The following CNOT1 variants were observed in gnomAD, a reference collection of about 807,000 sequenced individuals.
CNOT1 encodes CCR4-associated factor 1.
Under a neutral mutation model 273.8 loss-of-function variants are expected in CNOT1, and 15 were observed. That is an observed-to-expected ratio of 0.05 (90% confidence interval 0.04 to 0.08). CNOT1 has a LOEUF of 0.08. Among genes scored for constraint, CNOT1 ranks in the 10% least tolerant of loss-of-function variants. CNOT1 has a pLI of 1.00. For synonymous variants in CNOT1, 1,022 were observed against 1,005.5 expected (o/e 1.02, Z -0.31); for missense variants, 1,644 against 2,912.2 (o/e 0.56, Z 10.02).
intron 1 of CNOT1, among the ~76,000 whole-genome samples, chr16:58,606,606 C>T (rs550095916): frequency 3.3e-5 from 5 of 152,226 alleles, no homozygotes; most frequent in South Asian, 4.2e-4. Flanking sequence ...AGTTCAAGGT[C>T]AGCCTGGCCA....
At position 58,580,999 on chromosome 16, in the gene CNOT1, G is replaced by C. The variant is rs144295565; in HGVS notation, c.1216-239C>G. Reference sequence around the variant, plus strand: ...TTAAAAGACATTTCTGAGCCAATTAGGGAAACTTAACGTTGCCTTGGAAAT... The same window carrying C: ...TTAAAAGACATTTCTGAGCCAATTACGGAAACTTAACGTTGCCTTGGAAAT... On this transcript the variant is annotated intron_variant, in intron 11 of 48. Transcript: ENST00000317147. 5.2e-3 allele frequency among the ~76,000 whole-genome samples: 148 copies of C among 28,284 alleles called. 1 individual carries two copies. Among genetic ancestry groups the C allele is most frequent in the African/African-American group, 0.029 (137 of 4,714 alleles). The allele number at this position is 28,284 out of a possible 152,430, so 18.6% of individuals were successfully genotyped here.
chr16:58,536,879 G>A (rs2039945838), intron 39 of CNOT1, 110 bp downstream of exon 39: 4 of 1,470,996 alleles, frequency 2.7e-6, no homozygotes, highest in Non-Finnish European at 1.8e-6. Context: ...GTTTGCATGA[G>A]TATGGAGGTA....
At chr16:58,529,727 G>A (rs2039711606) in intron 43 of CNOT1, among the ~76,000 whole-genome samples, 1 of 151,054 alleles carries the variant, frequency 6.6e-6, no homozygotes, top group South Asian at 2.1e-4. Context: ...TGTAGTCTCT[G>A]CTACTAGGGA....
intron 1 of CNOT1, among the ~76,000 whole-genome samples, chr16:58,608,511 A>G (rs1186109138): frequency 2.0e-5 from 3 of 149,812 alleles, no homozygotes; most frequent in African/African-American, 7.4e-5. Context: ...CTGAGATCGC[A>G]TCACTGCACT....
At chr16:58,523,297 A>G in intron 47 of CNOT1, 73 bp downstream of exon 47, 1 of 1,453,892 alleles carries the variant, frequency 6.9e-7, no homozygotes, top group East Asian at 2.4e-5. Context: ...CACTGAAAGC[A>G]TAAAGAGGAA....
At chr16:58,592,969 G>C (rs556671256) in intron 2 of CNOT1, among the ~76,000 whole-genome samples, 1 of 152,054 alleles carries the variant, frequency 6.6e-6, no homozygotes, top group Admixed American at 6.6e-5. Flanking sequence ...AAACAGAAAG[G>C]GGAGACTACC....
chr16:58,540,223 A>G (rs1356853363), intron 34 of CNOT1, among the ~76,000 whole-genome samples: 1 of 152,194 alleles, frequency 6.6e-6, no homozygotes, highest in East Asian at 1.9e-4. Context: ...ATCAAGTGAT[A>G]AAAGAGAGCA....
At chr16:58,605,225 G>T (rs1172814400) in intron 1 of CNOT1, among the ~76,000 whole-genome samples, 1 of 152,094 alleles carries the variant, frequency 6.6e-6, no homozygotes, top group South Asian at 2.1e-4. Flanking sequence ...ACATATTGCT[G>T]GGCGTGGTGG....
At chr16:58,557,101 ACTCT>A in intron 18 of CNOT1, 108 bp from the exon 19 acceptor site, 1 of 1,368,754 alleles carries the variant, frequency 7.3e-7, no homozygotes, top group Non-Finnish European at 9.6e-7. Context: ...AGTCATAGTA[ACTCT>A]TACTTTAAAA....
At chr16:58,621,999 A>C (rs1473057516) in intron 1 of CNOT1, among the ~76,000 whole-genome samples, 4 of 149,750 alleles carry the variant, frequency 2.7e-5, no homozygotes, top group Non-Finnish European at 3.0e-5. Context: ...ATGATCTATC[A>C]GCGTAGATTC....
chr16:58,545,106 A>G (rs1390795019), intron 30 of CNOT1, among the ~76,000 whole-genome samples: 1 of 152,246 alleles, frequency 6.6e-6, no homozygotes, highest in Admixed American at 6.5e-5. Context: ...TTGTGATTTT[A>G]TTGCTAGCTA....
intron 1 of CNOT1, among the ~76,000 whole-genome samples, chr16:58,603,610 C>G (rs1309227600): frequency 3.9e-5 from 6 of 152,074 alleles, no homozygotes; most frequent in Non-Finnish European, 8.8e-5. Context: ...CTCTTATACT[C>G]TTCTTCCCCT....
intron 16 of CNOT1, among the ~76,000 whole-genome samples, chr16:58,561,503 C>T (rs2040839049): frequency 6.6e-6 from 1 of 152,010 alleles, no homozygotes; most frequent in African/African-American, 2.4e-5. Flanking sequence ...TAGTAATTAC[C>T]TTTAACAAGC....
At chr16:58,584,562 C>T (rs2041772014) in intron 8 of CNOT1, among the ~76,000 whole-genome samples, 1 of 151,950 alleles carries the variant, frequency 6.6e-6, no homozygotes, top group African/African-American at 2.4e-5. Flanking sequence ...GAACTCCTGA[C>T]ATCAGGTGAT....
chr16:58,604,367 A>C (rs2042585954), intron 1 of CNOT1, among the ~76,000 whole-genome samples: 1 of 152,214 alleles, frequency 6.6e-6, no homozygotes, highest in Non-Finnish European at 1.5e-5. Context: ...ATTCACTATA[A>C]GGGATTTGTA....
intron 1 of CNOT1, among the ~76,000 whole-genome samples, chr16:58,608,552 T>TC (rs1555502011): frequency 4.1e-5 from 2 of 48,228 alleles, no homozygotes; most frequent in African/African-American, 1.0e-4. Context: ...AGACTCTGTC[T>TC]CAAAAAAAAA....
intron 10 of CNOT1, 126 bp downstream of exon 10, chr16:58,582,667 C>T (rs959126116): frequency 4.7e-6 from 3 of 642,352 alleles, no homozygotes; most frequent in African/African-American, 1.8e-5. Context: ...GCCTGCAGTA[C>T]ACAATTAACT....
intron 24 of CNOT1, 63 bp downstream of exon 24, chr16:58,551,069 T>C: frequency 6.3e-7 from 1 of 1,582,456 alleles, no homozygotes; most frequent in Non-Finnish European, 8.5e-7. Flanking sequence ...AAGGGCCAAC[T>C]ATACATCCTT....
chr16:58,565,383 G>A (rs2041005066), intron 16 of CNOT1, among the ~76,000 whole-genome samples: 1 of 152,056 alleles, frequency 6.6e-6, no homozygotes, highest in Admixed American at 6.6e-5. Context: ...CTAAAGTGCT[G>A]GAGTTACAAG....
Sources: gnomAD v4.1 joint callset for allele counts (sites outside exome capture counted in the v4.1 genomes callset) on GRCh38, gnomAD v4.1.1 for gene constraint, MANE v1.5 for transcripts, NCBI Gene and HGNC (gene_info 2026-07-23, HGNC 2026-07-21) for gene names.